PLCE1: variants seen among roughly 807,000 people sequenced by gnomAD.
The protein encoded by PLCE1 is 1-phosphatidylinositol 4,5-bisphosphate phosphodiesterase epsilon-1.
PLCE1 carries 119 observed loss-of-function variants against 242.8 expected under a neutral mutation model. The observed-to-expected ratio is 0.49, with a 90% CI of 0.42 to 0.57. PLCE1 has a LOEUF of 0.57. PLCE1 is among the 20% of genes least tolerant of loss of function. PLCE1 has a pLI of 0.00. For missense variants in PLCE1, 2,441 were observed against 2,788.8 expected (o/e 0.88, Z 2.81); for synonymous variants, 945 against 1,017.4 (o/e 0.93, Z 1.35).
At chr10:94,096,603 T>C (rs147627720) in intron 2 of PLCE1, among the ~76,000 whole-genome samples, 18 of 152,224 alleles carry the variant, frequency 1.2e-4, no homozygotes, top group Non-Finnish European at 2.2e-4. Context: ...TCCCAAGACA[T>C]GTGGGGATTA....
chr10:93,998,926 A>G (rs2060880149), intron 1 of PLCE1, among the ~76,000 whole-genome samples: 1 of 152,182 alleles, frequency 6.6e-6, no homozygotes, highest in African/African-American at 2.4e-5. Flanking sequence ...GACAGGAGTG[A>G]TGTGAGCAAG....
At chr10:94,216,527 G>A (rs780097578) in intron 4 of PLCE1, among the ~76,000 whole-genome samples, 1 of 152,144 alleles carries the variant, frequency 6.6e-6, no homozygotes, top group Admixed American at 6.5e-5. Context: ...GCAGTCCAGA[G>A]GTGGCAGCAG....
chr10:94,214,180 G>C (rs1326931548), intron 4 of PLCE1, among the ~76,000 whole-genome samples: 1 of 152,186 alleles, frequency 6.6e-6, no homozygotes, highest in African/African-American at 2.4e-5. Context: ...AAACATTGCA[G>C]CCAACTCCAT....
At chr10:94,077,784 A>T (rs1436826266) in intron 2 of PLCE1, among the ~76,000 whole-genome samples, 1 of 152,166 alleles carries the variant, frequency 6.6e-6, no homozygotes, top group East Asian at 1.9e-4. Flanking sequence ...CAAACAAACA[A>T]AAAAACAGTG....
intron 9 of PLCE1, among the ~76,000 whole-genome samples, chr10:94,253,936 C>T (rs908060894): frequency 3.9e-5 from 6 of 152,188 alleles, no homozygotes; most frequent in Admixed American, 1.3e-4. Context: ...TTTTTCTGTA[C>T]ACAGAGGTTC....
chr10:94,284,139 G>A (rs1009449285), intron 21 of PLCE1, among the ~76,000 whole-genome samples: 2 of 152,200 alleles, frequency 1.3e-5, no homozygotes, highest in African/African-American at 4.8e-5. Context: ...ATGTGTGGCA[G>A]GTACTGAAGT....
intron 22 of PLCE1, among the ~76,000 whole-genome samples, chr10:94,285,841 C>T (rs899352615): frequency 6.6e-6 from 1 of 152,138 alleles, no homozygotes; most frequent in East Asian, 1.9e-4. Context: ...CCCAATTGAC[C>T]GTTTTTAGAA....
intron 4 of PLCE1, among the ~76,000 whole-genome samples, chr10:94,216,410 T>C (rs1320835042): frequency 6.6e-6 from 1 of 152,170 alleles, no homozygotes; most frequent in East Asian, 1.9e-4. Context: ...TAGTGCCCAC[T>C]GGAGTGCGAG....
At chr10:94,248,818 T>C (rs888871881) in intron 8 of PLCE1, among the ~76,000 whole-genome samples, 3 of 152,180 alleles carry the variant, frequency 2.0e-5, no homozygotes, top group African/African-American at 7.2e-5. Flanking sequence ...AAAGTCTATG[T>C]GGTTTAGTTG....
chr10:94,198,831 T>G (rs2048905957), intron 4 of PLCE1, among the ~76,000 whole-genome samples: 2 of 152,180 alleles, frequency 1.3e-5, no homozygotes. Flanking sequence ...GAGTATCACT[T>G]GAGCTCAAGA....
rs546979792 is a variant in PLCE1 at position 94,015,055 on chromosome 10, A to T, written c.-364-15628A>T. 3.3e-5 allele frequency among the ~76,000 whole-genome samples: 5 copies of T among 152,298 alleles called. No homozygotes were observed. In the East Asian group the frequency reaches 7.7e-4, roughly 24 times the overall value. ...TCACCTGTGGTTCACTGTATGACTT[A>T]ATCTGTCAAAACCTCAGTTTTCTTA... On this transcript the variant is annotated intron_variant, in intron 1 of 32. Transcript: ENST00000371380.
intron 2 of PLCE1, among the ~76,000 whole-genome samples, chr10:94,065,349 C>T (rs1164886597): frequency 6.6e-6 from 1 of 152,342 alleles, no homozygotes; most frequent in South Asian, 2.1e-4. Flanking sequence ...ATGTATGACA[C>T]TTGCTCTATG....
intron 16 of PLCE1, 97 bp from the exon 17 acceptor site, chr10:94,268,832 T>C: frequency 1.3e-6 from 1 of 756,398 alleles, no homozygotes; most frequent in South Asian, 1.4e-5. Context: ...GTCCTGAGTG[T>C]AAACACTGCC....
chr10:94,088,755 C>A (rs112192865), intron 2 of PLCE1, among the ~76,000 whole-genome samples: 182 of 152,250 alleles, frequency 1.2e-3, no homozygotes, highest in African/African-American at 4.3e-3. Flanking sequence ...ACTTTGGGTT[C>A]TATTTGCTAC....
Position 94,189,147 on chromosome 10 carries a change from C to T in PLCE1, c.1809+17651C>T, listed in dbSNP as rs751097881. 3.9e-4 allele frequency among the ~76,000 whole-genome samples: 59 copies of T among 151,268 alleles called. 1 individual carries two copies. The highest frequency in any genetic ancestry group is 6.6e-4 in the Admixed American group (10 of 15,196). ...CAGTCATAAAGACACTTTTAACTCA[C>T]CAGCATTTCTCAAATATACTTAACC... On this transcript the variant is annotated intron_variant, in intron 4 of 32. Coordinates refer to ENST00000371380, the MANE Select transcript of PLCE1 (RefSeq NM_016341.4).
intron 2 of PLCE1, among the ~76,000 whole-genome samples, chr10:94,041,078 T>C (rs1462398738): frequency 1.3e-5 from 2 of 152,062 alleles, no homozygotes; most frequent in Admixed American, 6.6e-5. Context: ...CATCCCTCGC[T>C]ACCTGGCTAA....
intron 4 of PLCE1, among the ~76,000 whole-genome samples, chr10:94,218,924 T>TTTTAATTATAATTATAA (rs1223396214): frequency 6.8e-6 from 1 of 147,126 alleles, no homozygotes; most frequent in Non-Finnish European, 1.5e-5. Context: ...ACTATAAAAA[T>TTTTAATTATAATTATAA]TTTAATTATA....
intron 1 of PLCE1, among the ~76,000 whole-genome samples, chr10:93,994,507 C>T (rs1251447665): frequency 2.0e-5 from 3 of 152,230 alleles, no homozygotes; most frequent in African/African-American, 7.2e-5. Context: ...GTCGCCCCTT[C>T]GTGTTGTGAA....
intron 2 of PLCE1, among the ~76,000 whole-genome samples, chr10:94,061,082 G>A (rs912961934): frequency 3.3e-5 from 5 of 152,116 alleles, no homozygotes; most frequent in African/African-American, 1.2e-4. Context: ...CCTCCCAGGG[G>A]TTCAGCGAGG....
Sources: gnomAD v4.1 joint callset for allele counts (sites outside exome capture counted in the v4.1 genomes callset) on GRCh38, gnomAD v4.1.1 for gene constraint, MANE v1.5 for transcripts, NCBI Gene and HGNC (gene_info 2026-07-23, HGNC 2026-07-21) for gene names.